The following CNBD2 variants were observed in gnomAD, a reference collection of about 807,000 sequenced individuals.
CNBD2 encodes the protein cyclic nucleotide binding domain containing 2.
In CNBD2, 64 loss-of-function variants were observed where a neutral mutation model predicts 63.7. The ratio of observed to expected loss-of-function variants is 1.00; its 90% confidence interval spans 0.82 to 1.24. The LOEUF is 1.24. CNBD2 is among the 50% of genes most tolerant of loss of function. CNBD2 has a pLI of 0.00. For missense variants in CNBD2, 691 were observed against 713.5 expected (o/e 0.97, Z 0.36); for synonymous variants, 229 against 255.4 (o/e 0.90, Z 0.99).
At chr20:36,002,717 C>A (rs1236795685) in intron 8 of CNBD2, among the ~76,000 whole-genome samples, 1 of 151,842 alleles carries the variant, frequency 6.6e-6, no homozygotes, top group Non-Finnish European at 1.5e-5. Context: ...TTATGTTGTG[C>A]CTTGGTATAA....
chr20:35,992,030 G>A (rs954664203), intron 7 of CNBD2, among the ~76,000 whole-genome samples: 12 of 152,190 alleles, frequency 7.9e-5, no homozygotes, highest in African/African-American at 2.9e-4. Context: ...ACAGGTGCCC[G>A]CCACCAGGCC....
intron 4 of CNBD2, among the ~76,000 whole-genome samples, chr20:35,983,382 T>A (rs1450147071): frequency 6.6e-6 from 1 of 152,052 alleles, no homozygotes; most frequent in Admixed American, 6.5e-5. Flanking sequence ...TACAGAAACT[T>A]CCCTCTGAGT....
intron 11 of CNBD2, among the ~76,000 whole-genome samples, chr20:36,025,641 G>A (rs1323895179): frequency 1.6e-5 from 2 of 127,380 alleles, no homozygotes; most frequent in African/African-American, 9.2e-5. Context: ...TGAAAGATTA[G>A]ATAATTTTTT....
At chr20:35,974,992 T>A (rs7272916) in intron 2 of CNBD2, 14,900 of 149,246 alleles carry the variant, frequency 0.1, 787 homozygotes, top group South Asian at 0.2. Context: ...TTTTTTATTT[T>A]TTTTATTTTT....
At chr20:36,003,246 G>A (rs1010243932) in intron 8 of CNBD2, among the ~76,000 whole-genome samples, 3 of 151,866 alleles carry the variant, frequency 2.0e-5, no homozygotes, top group African/African-American at 7.3e-5. Flanking sequence ...CATCATATGT[G>A]TCATTTCTGA....
chr20:35,972,537 G>A, intron 1 of CNBD2, 92 bp from the exon 2 acceptor site: 1 of 1,233,234 alleles, frequency 8.1e-7, no homozygotes, highest in Non-Finnish European at 1.2e-6. Context: ...ATTTAATCCT[G>A]GTAAATTTCA....
At chr20:36,028,253 T>A (rs1281284021) in intron 11 of CNBD2, among the ~76,000 whole-genome samples, 1 of 151,904 alleles carries the variant, frequency 6.6e-6, no homozygotes, top group Non-Finnish European at 1.5e-5. Flanking sequence ...TAGAGTTGAG[T>A]GGGGGCAGAT....
chr20:35,981,116 G>A (rs1012343230), intron 4 of CNBD2, among the ~76,000 whole-genome samples: 5 of 152,148 alleles, frequency 3.3e-5, no homozygotes, highest in Non-Finnish European at 5.9e-5. Context: ...GTGATTGGTG[G>A]AAAAATATGA....
At chr20:35,958,182 C>T (rs191497011), downstream of CNBD2, among the ~76,000 whole-genome samples, 1 of 152,280 alleles carries the variant, frequency 6.6e-6, no homozygotes, top group African/African-American at 2.4e-5. Context: ...CCTGTAATCC[C>T]AGCACTTTGG....
At chr20:35,964,708 TC>T (rs1292657383), upstream of CNBD2, among the ~76,000 whole-genome samples, 1 of 150,144 alleles carries the variant, frequency 6.7e-6, no homozygotes, top group Non-Finnish European at 1.5e-5. Flanking sequence ...TCTTCATATA[TC>T]TTTTTTTTTT....
chr20:35,978,030 G>A (rs1208835059), intron 3 of CNBD2, among the ~76,000 whole-genome samples: 1 of 152,134 alleles, frequency 6.6e-6, no homozygotes, highest in Non-Finnish European at 1.5e-5. Flanking sequence ...GTATTAGAGA[G>A]GCTTAGAATC....
At chr20:36,024,383 C>T (rs150363014) in intron 11 of CNBD2, among the ~76,000 whole-genome samples, 4,234 of 152,158 alleles carry the variant, frequency 0.028, 122 homozygotes, top group South Asian at 0.16. Flanking sequence ...AATCCCAGCA[C>T]TTTGGGAGGC....
chr20:35,979,498 T>G (rs1353337615), intron 3 of CNBD2, among the ~76,000 whole-genome samples: 1 of 152,230 alleles, frequency 6.6e-6, no homozygotes, highest in Non-Finnish European at 1.5e-5. Context: ...CCTCAAGTGA[T>G]CCCCCTGCCT....
intron 7 of CNBD2, among the ~76,000 whole-genome samples, chr20:35,991,465 C>T (rs1227962792): frequency 6.6e-6 from 1 of 152,060 alleles, no homozygotes; most frequent in Non-Finnish European, 1.5e-5. Context: ...GATTTATTGC[C>T]AGATATCAAT....
chr20:35,997,104 T>A (rs1317308585), intron 8 of CNBD2, among the ~76,000 whole-genome samples: 5 of 152,148 alleles, frequency 3.3e-5, no homozygotes, highest in South Asian at 2.1e-4. Flanking sequence ...ATGGCATTTT[T>A]ATTTATTTTT....
intron 10 of CNBD2, among the ~76,000 whole-genome samples, chr20:36,022,310 T>C (rs943581561): frequency 1.4e-5 from 2 of 145,376 alleles, no homozygotes; most frequent in Non-Finnish European, 3.0e-5. Flanking sequence ...GCAATTCTCC[T>C]GCCTTAGCCT....
chr20:35,962,239 A>G lies in CNBD2; in HGVS notation c.228+4465A>G, dbSNP rs574874315. Among the ~76,000 whole-genome samples the G allele has an allele frequency of 8.1e-4, 119 of 147,788 alleles. 5 individuals carry two copies. In the South Asian group the frequency reaches 0.025, roughly 31 times the overall value. ...AGCAGCTCTCAAGTGGACAATTCTGAGGCATGCTCCCTGCAGTCTTTTTTT... is the reference window on the plus strand; with the variant it reads ...AGCAGCTCTCAAGTGGACAATTCTGGGGCATGCTCCCTGCAGTCTTTTTTT... On this transcript the variant is annotated intron_variant, in intron 2 of 4. Transcript: ENST00000622112.
At chr20:35,969,553 T>G (rs1339852635) in intron 1 of CNBD2, among the ~76,000 whole-genome samples, 1 of 152,178 alleles carries the variant, frequency 6.6e-6, no homozygotes, top group Non-Finnish European at 1.5e-5. Context: ...AAACAATATA[T>G]AGTATGTGGC....
chr20:35,984,139 G>T lies in CNBD2; in HGVS notation c.564+1G>T, dbSNP rs769280221. The T allele has an allele frequency of 1.3e-6, 2 of 1,597,146 alleles. No individual in the cohort carries two copies. The highest frequency in any genetic ancestry group is 1.1e-5 in the South Asian group (1 of 88,070). On this transcript the variant is annotated splice_donor_variant, in intron 5 of 11. Transcript: ENST00000373973. LOFTEE classifies it high-confidence loss of function. ...GCTGCACAAGGGTAGCTGTTTTGGG[G>T]TAAGCCCAGGGGAAGGACCCAGTTT...
Sources: allele counts gnomAD v4.1 joint callset (sites outside exome capture counted in the v4.1 genomes callset), GRCh38; gene constraint gnomAD v4.1.1; transcripts MANE v1.5; gene names NCBI Gene and HGNC (gene_info 2026-07-23, HGNC 2026-07-21).